Variants in FNIP1 observed in about 807,000 individuals in gnomAD.
The protein encoded by FNIP1 is folliculin-interacting protein 1.
A neutral mutation model predicts 124.5 loss-of-function variants in FNIP1; 40 were observed. The observed-to-expected ratio is 0.32, with a 90% confidence interval of 0.25 to 0.42. The LOEUF is 0.42. FNIP1 is among the 10% of genes least tolerant of loss of function. FNIP1 has a pLI of 1.00. For synonymous variants in FNIP1, 472 were observed against 470.6 expected, an observed-to-expected ratio of 1.00 and a Z score of -0.04; for missense variants, 1,176 against 1,403.7, an observed-to-expected ratio of 0.84 and a Z score of 2.59.
At chr5:131,693,354 A>G (rs1237377426) in intron 11 of FNIP1, among the ~76,000 whole-genome samples, 1 of 137,414 alleles carries the variant, frequency 7.3e-6, no homozygotes, top group Non-Finnish European at 1.6e-5. Flanking sequence ...ATATATATAT[A>G]TATATATAGT....
chr5:131,672,879 G>C lies in FNIP1; in HGVS notation c.1565C>G (p.Thr522Ser). The change falls in exon 14 of 18, where the codon ACT becomes AGT. Residue 522 changes from threonine to serine, a missense_variant. Coordinates refer to ENST00000510461, the MANE Select transcript of FNIP1 (RefSeq NM_133372.3). ...GTCTTGTCGTTTGCCAACTACCACA[G>C]TCCTTGCTAACCGTACGGGAGAGCC... ...AIGSPVRLAR[T>S]VVVGKRQDMV... is the part of the protein sequence containing the mutation. 2 of 1,597,840 alleles carry C rather than the reference G, an allele frequency of 1.3e-6. No individual in the cohort carries two copies. The highest frequency in any genetic ancestry group is 1.7e-6 in the Non-Finnish European group (2 of 1,173,136).
intron 6 of FNIP1, 29 bp from the exon 7 acceptor site, chr5:131,710,690 G>A: frequency 6.2e-7 from 1 of 1,601,138 alleles, no homozygotes; most frequent in Non-Finnish European, 8.5e-7. Flanking sequence ...AAATACACAT[G>A]AAAGAGGACT....
intron 11 of FNIP1, among the ~76,000 whole-genome samples, chr5:131,681,359 A>C (rs1474528370): frequency 6.6e-6 from 1 of 152,138 alleles, no homozygotes; most frequent in African/African-American, 2.4e-5. Flanking sequence ...CTCCAGTCAA[A>C]AGCCTGATTA....
chr5:131,670,387 A>T (rs1020233948), intron 15 of FNIP1, 76 bp downstream of exon 15: 30 of 1,348,236 alleles, frequency 2.2e-5, no homozygotes, highest in Non-Finnish European at 2.9e-5. Flanking sequence ...ATGACCAAAA[A>T]TATAAGGCAA....
intron 2 of FNIP1, among the ~76,000 whole-genome samples, chr5:131,734,675 A>G (rs2149553075): frequency 6.6e-6 from 1 of 152,268 alleles, no homozygotes; most frequent in East Asian, 1.9e-4. Context: ...ACCTCTCAAA[A>G]GAAGACATTT....
intron 3 of FNIP1, among the ~76,000 whole-genome samples, chr5:131,730,601 T>C (rs1168938113): frequency 2.6e-5 from 4 of 152,218 alleles, no homozygotes; most frequent in African/African-American, 7.2e-5. Flanking sequence ...TATTAGTATA[T>C]TTATCTTCAT....
In FNIP1 at chr5:131,671,935, C is replaced by G; in HGVS notation, c.2509G>C (p.Glu837Gln). The change falls in exon 14 of 18, where the codon GAA (glutamate) becomes CAA (glutamine). Residue 837 changes from glutamate to glutamine, a missense_variant. Physicochemically the swap from Glu to Gln is conservative, Grantham distance 29. Transcript: ENST00000510461. ...TCGATTGAATCATCATTAAAATATT[C>G]GTCGAATAAGCTCATGCTTTCTGGG... ...SDPESMSLFDEYFNDDSIETR... is the reference protein window; with the variant it reads ...SDPESMSLFDQYFNDDSIETR... 2 of 1,614,140 alleles carry G rather than the reference C, an allele frequency of 1.2e-6. No homozygotes were observed. The highest frequency in any genetic ancestry group is 1.7e-6 in the Non-Finnish European group (2 of 1,180,028).
chr5:131,672,782 T>C lies in FNIP1; in HGVS notation c.1662A>G (p.Leu554=), dbSNP rs1262753072. The change falls in exon 14 of 18, where the codon TTA becomes TTG. Residue 554 remains leucine, a synonymous_variant. Transcript: ENST00000510461. ...CGATGGCTTCATCTTCTCCATTTTC[T>C]AAAAGATGCGTTTCTTGAAGTTCAG... The part of the protein sequence containing the change: ...RCSELQETHL[L]ENGEDEAIVM... 2 of 1,613,730 alleles carry C rather than the reference T, an allele frequency of 1.2e-6. No homozygotes were observed. Among genetic ancestry groups the C allele is most frequent in the African/African-American group, 2.7e-5 (2 of 75,016 alleles).
chr5:131,745,636 C>T (rs1770653313), intron 1 of FNIP1, among the ~76,000 whole-genome samples: 1 of 151,964 alleles, frequency 6.6e-6, no homozygotes, highest in Non-Finnish European at 1.5e-5. Context: ...CATACACACA[C>T]ACATACACTA....
chr5:131,703,611 G>A (rs570961252), intron 10 of FNIP1, among the ~76,000 whole-genome samples: 14 of 152,242 alleles, frequency 9.2e-5, no homozygotes, highest in South Asian at 4.1e-4. Context: ...CACCTGCTCC[G>A]TATTTCTGGA....
intron 7 of FNIP1, among the ~76,000 whole-genome samples, chr5:131,709,492 A>C (rs1050186675): frequency 1.3e-5 from 2 of 152,230 alleles, no homozygotes; most frequent in Admixed American, 1.3e-4. Flanking sequence ...CTAAAACATA[A>C]TATCTAAAGA....
chr5:131,689,192 G>A (rs1340707020), intron 11 of FNIP1, among the ~76,000 whole-genome samples: 2 of 149,494 alleles, frequency 1.3e-5, no homozygotes, highest in Middle Eastern at 3.5e-3. Context: ...TTAAAACATT[G>A]AAAGAAAAAC....
intron 2 of FNIP1, among the ~76,000 whole-genome samples, chr5:131,738,429 GA>G (rs1305268778): frequency 6.6e-6 from 1 of 151,592 alleles, no homozygotes; most frequent in Non-Finnish European, 1.5e-5. Context: ...CATGCAAGTT[GA>G]AAAAAAATTG....
chr5:131,665,775 G>C (rs1471701536), intron 15 of FNIP1, among the ~76,000 whole-genome samples: 1 of 151,692 alleles, frequency 6.6e-6, no homozygotes, highest in Non-Finnish European at 1.5e-5. Context: ...ATTTTTAGCA[G>C]AGACGGGGTT....
Position 131,672,055 on chromosome 5 carries a change from T to G in FNIP1, c.2389A>C (p.Thr797Pro), listed in dbSNP as rs1224238754. The change falls in exon 14 of 18, where the codon ACT becomes CCT. Residue 797 changes from threonine (T) to proline (P), a missense_variant. By Grantham distance (38) the Thr-to-Pro change is conservative. Coordinates refer to ENST00000510461, the MANE Select transcript of FNIP1 (RefSeq NM_133372.3). ...GATTGGTCCTTGGTTGTTTGTTTAGTTTCTTGATGCTGATCAATAGCCCCT... is the reference window on the plus strand; with the variant it reads ...GATTGGTCCTTGGTTGTTTGTTTAGGTTCTTGATGCTGATCAATAGCCCCT... ...ERGAIDQHQETKQTTKDQSGE... is the reference protein window; with the variant it reads ...ERGAIDQHQEPKQTTKDQSGE... 2 of 1,614,218 alleles carry G rather than the reference T, an allele frequency of 1.2e-6. No homozygotes were observed. The highest frequency in any genetic ancestry group is 1.7e-6 in the Non-Finnish European group (2 of 1,180,022).
At chr5:131,690,457 GTTC>G (rs1290375599) in intron 11 of FNIP1, among the ~76,000 whole-genome samples, 1 of 152,092 alleles carries the variant, frequency 6.6e-6, no homozygotes, top group Non-Finnish European at 1.5e-5. Flanking sequence ...CCCCCATGCT[GTTC>G]TTGTGATAGT....
At chr5:131,767,850 G>A (rs1771491919) in intron 1 of FNIP1, among the ~76,000 whole-genome samples, 3 of 152,064 alleles carry the variant, frequency 2.0e-5, no homozygotes. Context: ...ACAAAATCTT[G>A]ATTAATATTT....
rs778404491 is a variant in FNIP1 at position 131,704,074 on chromosome 5, T to C, written c.1107A>G (p.Ala369=). 3.1e-6 allele frequency: 5 copies of C among 1,606,686 alleles called. No individual in the cohort carries two copies. The highest frequency in any genetic ancestry group is 2.2e-5 in the South Asian group (2 of 90,792). ...AAATAACTATGCTTACCTGTTCTAT[T>C]GCACTCTTTAATTTGTTCATGTGGC... ...FESHMNKLKS[A]IEQAMKMSRR... is the part of the protein sequence containing the mutation. The change falls in exon 10 of 18, where the codon GCA becomes GCG. Residue 369 remains alanine, a synonymous_variant. Coordinates refer to ENST00000510461, the MANE Select transcript of FNIP1 (RefSeq NM_133372.3).
intron 1 of FNIP1, among the ~76,000 whole-genome samples, chr5:131,750,307 C>T (rs949373489): frequency 1.3e-5 from 2 of 151,860 alleles, no homozygotes; most frequent in Admixed American, 6.6e-5. Context: ...GCTGAAAAAA[C>T]GCAAAGAAGG....
Sources: allele counts gnomAD v4.1 joint callset (sites outside exome capture counted in the v4.1 genomes callset), GRCh38; gene constraint gnomAD v4.1.1; transcripts MANE v1.5; gene names NCBI Gene and HGNC (gene_info 2026-07-23, HGNC 2026-07-21).